HIVEP1: variants seen among roughly 807,000 people sequenced by gnomAD.
The protein encoded by HIVEP1 is HIVEP zinc finger 1.
A neutral mutation model predicts 180.0 loss-of-function variants in HIVEP1; 36 were observed. The observed-to-expected ratio is 0.20, with a 90% CI of 0.15 to 0.26. The LOEUF is 0.26. Ranked by LOEUF, HIVEP1 falls within the 10% of genes least tolerant of loss-of-function variation. The pLI, the probability that HIVEP1 is intolerant of heterozygous loss-of-function variation, is 1.00. For synonymous variants in HIVEP1, 1,239 were observed against 1,239.0 expected, an observed-to-expected ratio of 1.00 and a Z score of 0.00; for missense variants, 3,143 against 3,268.7, an observed-to-expected ratio of 0.96 and a Z score of 0.94.
chr6:12,119,168 C>G (rs185711431), intron 3 of HIVEP1, among the ~76,000 whole-genome samples: 2 of 152,320 alleles, frequency 1.3e-5, no homozygotes, highest in Non-Finnish European at 2.9e-5. Flanking sequence ...CTTCCCTTAC[C>G]AGCTTAAAGC....
At chr6:12,203,675 C>T in the HIVEP1 span, among the ~76,000 whole-genome samples, 1 of 152,120 alleles carries the variant, frequency 6.6e-6, no homozygotes, top group African/African-American at 2.4e-5. Context: ...AAATGAATTG[C>T]CATTAGGCTG....
chr6:12,088,879 T>A (rs986956892), intron 2 of HIVEP1, among the ~76,000 whole-genome samples: 2 of 152,148 alleles, frequency 1.3e-5, no homozygotes, highest in African/African-American at 4.8e-5. Flanking sequence ...GATAGTATTA[T>A]TTTTAGATAC....
In HIVEP1 at chr6:12,125,458, G is replaced by T; in HGVS notation, c.5663G>T (p.Cys1888Phe). 1 of 1,614,080 alleles carries T rather than the reference G, an allele frequency of 6.2e-7. No homozygotes were observed. The highest frequency in any genetic ancestry group is 8.5e-7 in the Non-Finnish European group (1 of 1,180,008). Residue 1888 changes from cysteine to phenylalanine, a missense_variant, in exon 4 of 9, where the codon TGT becomes TTT. Physicochemically the swap from Cys to Phe is radical, Grantham distance 205. Transcript: ENST00000379388. ...SENTHISPLKCTDNNQERKSP... is the reference protein window; with the variant it reads ...SENTHISPLKFTDNNQERKSP... ...AATACTCATATTTCTCCTTTGAAAT[G>T]TACAGACAATAACCAAGAAAGGAAG...
intron 3 of HIVEP1, among the ~76,000 whole-genome samples, chr6:12,118,302 A>G (rs1448082691): frequency 7.2e-5 from 11 of 152,176 alleles, no homozygotes; most frequent in Non-Finnish European, 1.6e-4. Context: ...CAGTGTAGAC[A>G]TTTTGGTCTA....
intron 2 of HIVEP1, among the ~76,000 whole-genome samples, chr6:12,055,102 G>T (rs1770772416): frequency 6.6e-6 from 1 of 152,172 alleles, no homozygotes; most frequent in Non-Finnish European, 1.5e-5. Context: ...AATTATACTT[G>T]CAATAAACAT....
chr6:12,196,894 A>G, the HIVEP1 span, among the ~76,000 whole-genome samples: 1 of 152,220 alleles, frequency 6.6e-6, no homozygotes, highest in South Asian at 2.1e-4. Context: ...TTACAATTAA[A>G]TGAGATTTAT....
At position 12,125,047 on chromosome 6, in the gene HIVEP1, C is replaced by G. The variant is rs376132288; in HGVS notation, c.5252C>G (p.Ala1751Gly). 2 of 1,614,114 alleles carry G rather than the reference C, an allele frequency of 1.2e-6. No individual in the cohort carries two copies. The highest frequency in any genetic ancestry group is 1.7e-6 in the Non-Finnish European group (2 of 1,180,022). Residue 1751 changes from alanine (A) to glycine (G), a missense_variant, in exon 4 of 9, where the codon GCA becomes GGA. Transcript: ENST00000379388. ...SASSKRMLSPANSLDIAMEKH... is the reference protein window; with the variant it reads ...SASSKRMLSPGNSLDIAMEKH... ...TCGAGTAAAAGGATGCTTTCCCCAG[C>G]AAATAGTTTAGACATTGCCATGGAA...
intron 2 of HIVEP1, among the ~76,000 whole-genome samples, chr6:12,055,343 CGT>C (rs1348476306): frequency 2.0e-5 from 3 of 152,030 alleles, no homozygotes; most frequent in Non-Finnish European, 4.4e-5. Flanking sequence ...CATGGTGGCA[CGT>C]GCCTGTAATC....
At chr6:12,173,193 G>A in the HIVEP1 span, among the ~76,000 whole-genome samples, 2 of 152,148 alleles carry the variant, frequency 1.3e-5, no homozygotes, top group African/African-American at 2.4e-5. Context: ...AGATTGGAGG[G>A]AAGACAGTGG....
At position 12,066,795 on chromosome 6, in the gene HIVEP1, G is replaced by A. The variant is rs538061038; in HGVS notation, c.41-22389G>A. On this transcript the variant is annotated intron_variant, in intron 2 of 8. Transcript: ENST00000379388. ...TCTGAGCTATTTCTTCAAGGTAACAGTGAAAACGAATAACTAGAAGGCATT... is the reference window on the plus strand; with the variant it reads ...TCTGAGCTATTTCTTCAAGGTAACAATGAAAACGAATAACTAGAAGGCATT... Among the ~76,000 whole-genome samples, 362 of 152,160 alleles carry A rather than the reference G, an allele frequency of 2.4e-3. 2 individuals are homozygous for A. The highest frequency in any genetic ancestry group is 3.9e-3 in the Non-Finnish European group (262 of 68,000).
In HIVEP1 at chr6:12,163,597, C is replaced by T; in HGVS notation, c.7293C>T (p.Val2431=). 4.3e-6 allele frequency: 7 copies of T among 1,614,224 alleles called. No individual in the cohort carries two copies. Among genetic ancestry groups the T allele is most frequent in the Non-Finnish European group, 5.9e-6 (7 of 1,180,040 alleles). Residue 2431 remains valine, a synonymous_variant, in exon 9 of 9, where the codon GTC becomes GTT. Transcript: ENST00000379388. The part of the protein sequence containing the change: ...AGPVQLTIPA[V]SVVHRTLGTH... ...CAGTGCAGCTCACGATCCCTGCTGTCAGTGTCGTTCACAGAACTTTGGGTA... is the reference window on the plus strand; with the variant it reads ...CAGTGCAGCTCACGATCCCTGCTGTTAGTGTCGTTCACAGAACTTTGGGTA...
Position 12,120,462 on chromosome 6 carries a change from A to G in HIVEP1, c.667A>G (p.Lys223Glu), listed in dbSNP as rs1775501425. The part of the protein sequence containing the change: ...KGSPCAIKTE[K>E]LRPNKTARSP... ...CTCACCTTGTGCAATTAAGACAGAA[A>G]AACTGAGGCCAAATAAAACTGCACG... is the stretch of plus-strand genomic sequence containing the variant. The change falls in exon 4 of 9, where the codon AAA becomes GAA. Residue 223 changes from lysine (K) to glutamate (E), a missense_variant. Physicochemically the swap from Lys to Glu is moderately conservative, Grantham distance 56 (BLOSUM62 1). Around this residue, in one of 12 missense-constraint regions of HIVEP1, gnomAD observed 306 missense variants for 310.6 expected, o/e 0.99. Coordinates refer to ENST00000379388, the MANE Select transcript of HIVEP1 (RefSeq NM_002114.4). 6.2e-7 allele frequency: 1 copy of G among 1,614,196 alleles called. No homozygotes were observed. Among genetic ancestry groups the G allele is most frequent in the African/African-American group, 1.3e-5 (1 of 75,050 alleles).
downstream of HIVEP1, among the ~76,000 whole-genome samples, chr6:12,166,915 T>C (rs1290591921): frequency 6.6e-6 from 1 of 152,174 alleles, no homozygotes; most frequent in African/African-American, 2.4e-5. Context: ...TCAGAAGTAC[T>C]GGAAAAAACA....
chr6:12,011,043 C>CT (rs1296472792), upstream of HIVEP1, among the ~76,000 whole-genome samples: 2 of 152,280 alleles, frequency 1.3e-5, no homozygotes, highest in South Asian at 2.1e-4. Context: ...ACCAGCGGGG[C>CT]TTTGGAGCGG....
the HIVEP1 span, among the ~76,000 whole-genome samples, chr6:12,178,941 T>A: frequency 1.4e-3 from 208 of 152,280 alleles, no homozygotes; most frequent in African/African-American, 4.5e-3. Context: ...GATGGATGGA[T>A]CTCCAAGACA....
Position 12,055,205 on chromosome 6 carries a change from T to C in HIVEP1, c.41-33979T>C, listed in dbSNP as rs944355332. On this transcript the variant is annotated intron_variant, in intron 2 of 8. Coordinates refer to ENST00000379388, the MANE Select transcript of HIVEP1 (RefSeq NM_002114.4). ...CTTCAGTTAAAATCATGATTTTCAG[T>C]GGCTCACGCCTGTAATCCCATCACT... Among the ~76,000 whole-genome samples, 17 of 152,274 alleles carry C rather than the reference T, an allele frequency of 1.1e-4. 1 individual carries two copies. The highest frequency in any genetic ancestry group is 2.9e-5 in the Non-Finnish European group (2 of 68,050).
intron 7 of HIVEP1, among the ~76,000 whole-genome samples, chr6:12,155,799 C>A (rs1243524680): frequency 2.0e-5 from 3 of 152,152 alleles, no homozygotes; most frequent in African/African-American, 7.2e-5. Flanking sequence ...GGTATTTCTG[C>A]AGAGGTCTAG....
intron 3 of HIVEP1, among the ~76,000 whole-genome samples, chr6:12,104,817 A>T (rs1774332995): frequency 6.6e-6 from 1 of 151,912 alleles, no homozygotes; most frequent in African/African-American, 2.4e-5. Context: ...TGTAATTTAT[A>T]TTTGGCTTTT....
chr6:12,211,395 G>A, the HIVEP1 span, among the ~76,000 whole-genome samples: 16,611 of 59,512 alleles, frequency 0.28, 1,634 homozygotes, highest in East Asian at 0.46. Flanking sequence ...GCGAGACTCT[G>A]TCTCAAAAAA....
Sources: gnomAD v4.1 joint callset for allele counts (sites outside exome capture counted in the v4.1 genomes callset) on GRCh38, gnomAD v4.1.1 for gene constraint, gnomAD v4.1.1 regional missense constraint, MANE v1.5 for transcripts, NCBI Gene and HGNC (gene_info 2026-07-23, HGNC 2026-07-21) for gene names.